The following MAML3 variants were observed in gnomAD, a reference collection of about 807,000 sequenced individuals.
MAML3 encodes mastermind like transcriptional coactivator 3, also known as mastermind-like protein 3.
A neutral mutation model predicts 101.9 loss-of-function variants in MAML3; 27 were observed. The observed-to-expected ratio is 0.27, with a 90% CI of 0.20 to 0.37. The LOEUF is 0.37. MAML3 is among the 10% of genes least tolerant of loss of function. The pLI is 1.00. For synonymous variants in MAML3, 501 were observed against 555.9 expected (o/e 0.90, Z 1.39); for missense variants, 1,316 against 1,444.9 (o/e 0.91, Z 1.45).
intron 1 of MAML3, among the ~76,000 whole-genome samples, chr4:139,967,435 C>T (rs898194881): frequency 2.7e-5 from 4 of 146,166 alleles, no homozygotes; most frequent in African/African-American, 7.5e-5. Context: ...GAAAAAATAA[C>T]GTGGAAAAAA....
intron 1 of MAML3, among the ~76,000 whole-genome samples, chr4:140,147,078 A>C (rs1468071169): frequency 2.9e-5 from 4 of 139,232 alleles, no homozygotes; most frequent in African/African-American, 1.1e-4. Context: ...GCTTGCAGTG[A>C]GCCGAGATTG....
intron 1 of MAML3, among the ~76,000 whole-genome samples, chr4:139,964,211 G>A (rs1734081036): frequency 6.6e-6 from 1 of 152,080 alleles, no homozygotes; most frequent in Non-Finnish European, 1.5e-5. Flanking sequence ...ATGATAGACT[G>A]GATAAAGAAC....
intron 1 of MAML3, among the ~76,000 whole-genome samples, chr4:139,958,431 A>G (rs1733949432): frequency 6.6e-6 from 1 of 152,218 alleles, no homozygotes; most frequent in Admixed American, 6.5e-5. Context: ...AAGAATTCAT[A>G]GTCTAGCAGG....
intron 1 of MAML3, among the ~76,000 whole-genome samples, chr4:140,039,633 T>C (rs1727047914): frequency 6.6e-6 from 1 of 152,180 alleles, no homozygotes; most frequent in Non-Finnish European, 1.5e-5. Context: ...TTGCCACTGC[T>C]TGTCTCATTC....
chr4:140,152,802 C>CCCACCACCA, intron 1 of MAML3, 58 bp downstream of exon 1: 1 of 1,563,568 alleles, frequency 6.4e-7, no homozygotes, highest in South Asian at 1.2e-5. Context: ...CCACGCGCCC[C>CCCACCACCA]CCACCACCAC....
intron 2 of MAML3, among the ~76,000 whole-genome samples, chr4:139,784,614 TA>T (rs1578599716): frequency 6.6e-6 from 1 of 152,228 alleles, no homozygotes. Flanking sequence ...TTCCATTCCT[TA>T]AAAAGAAACA....
intron 1 of MAML3, among the ~76,000 whole-genome samples, chr4:139,974,947 T>C (rs1334185130): frequency 6.6e-6 from 1 of 151,670 alleles, no homozygotes; most frequent in African/African-American, 2.4e-5. Flanking sequence ...AATTCTTGAT[T>C]AGGGACAGGG....
intron 1 of MAML3, among the ~76,000 whole-genome samples, chr4:139,994,374 T>C (rs1365824892): frequency 6.6e-6 from 1 of 152,200 alleles, no homozygotes; most frequent in East Asian, 1.9e-4. Flanking sequence ...TTCTTTATAA[T>C]AGAAATGCAG....
At chr4:139,942,395 C>G (rs939916658) in intron 1 of MAML3, among the ~76,000 whole-genome samples, 3 of 152,088 alleles carry the variant, frequency 2.0e-5, no homozygotes, top group Admixed American at 6.5e-5. Flanking sequence ...TATCCTATGC[C>G]CTGCTACAAA....
At chr4:139,951,564 G>A (rs963093416) in intron 1 of MAML3, among the ~76,000 whole-genome samples, 3 of 152,190 alleles carry the variant, frequency 2.0e-5, no homozygotes, top group African/African-American at 4.8e-5. Context: ...ATGCAGAGCT[G>A]TGGAGGAGGG....
intron 1 of MAML3, among the ~76,000 whole-genome samples, chr4:140,097,008 A>T (rs1031079300): frequency 1.3e-5 from 2 of 152,232 alleles, no homozygotes; most frequent in Non-Finnish European, 2.9e-5. Context: ...CCAGCATGGA[A>T]CTATTAAGTA....
At chr4:139,787,734 A>G (rs922055258) in intron 2 of MAML3, among the ~76,000 whole-genome samples, 3 of 152,186 alleles carry the variant, frequency 2.0e-5, no homozygotes, top group East Asian at 1.9e-4. Flanking sequence ...TTATTTTACT[A>G]TGAGTTCAGA....
At chr4:140,037,079 A>G (rs1478073900) in intron 1 of MAML3, among the ~76,000 whole-genome samples, 1 of 152,172 alleles carries the variant, frequency 6.6e-6, no homozygotes, top group Non-Finnish European at 1.5e-5. Flanking sequence ...ACTTTATATT[A>G]ATTCACTGGT....
rs530710847 is a variant in MAML3 at position 139,961,423 on chromosome 4, C to T, written c.469-70456G>A. Reference sequence around the variant, plus strand: ...ATACACACTCAACTACCAACAAATACGTTCCATTAGATTATCCTGGAGTCG... The same window carrying T: ...ATACACACTCAACTACCAACAAATATGTTCCATTAGATTATCCTGGAGTCG... On this transcript the variant is annotated intron_variant, in intron 1 of 4. Coordinates refer to ENST00000509479, the MANE Select transcript of MAML3 (RefSeq NM_018717.5). 8.5e-5 allele frequency among the ~76,000 whole-genome samples: 13 copies of T among 152,304 alleles called. No homozygotes were observed. In the South Asian group the frequency reaches 1.0e-3, roughly 12 times the overall value.
chr4:140,025,788 G>T (rs144356781), intron 1 of MAML3, among the ~76,000 whole-genome samples: 5 of 152,160 alleles, frequency 3.3e-5, no homozygotes. Context: ...TCTCAACCGC[G>T]ATTGAAAAAT....
chr4:139,719,922 A>C lies in MAML3; in HGVS notation c.2818T>G (p.Leu940Val). The C allele has an allele frequency of 6.2e-7, 1 of 1,614,068 alleles. No homozygotes were observed. The change falls in exon 5 of 5, where the codon TTG (leucine) becomes GTG (valine). Residue 940 changes from leucine to valine, a missense_variant. Leu to Val is a conservative substitution (Grantham distance 32, BLOSUM62 1). Coordinates refer to ENST00000509479, the MANE Select transcript of MAML3 (RefSeq NM_018717.5). ...PQMKGPVGQA[L>V]PRPQAPPRLQ... is the part of the protein sequence containing the mutation. ...CTTGGAGGGGCTTGGGGCCTAGGCAAGGCCTGGCCTACTGGCCCTTTCATC... is the reference window on the plus strand; with the variant it reads ...CTTGGAGGGGCTTGGGGCCTAGGCACGGCCTGGCCTACTGGCCCTTTCATC...
chr4:140,011,166 G>C (rs1200431886), intron 1 of MAML3, among the ~76,000 whole-genome samples: 5 of 73,700 alleles, frequency 6.8e-5, no homozygotes, highest in African/African-American at 2.9e-4. Context: ...TTATATATAT[G>C]ACATATATGT....
intron 1 of MAML3, among the ~76,000 whole-genome samples, chr4:139,966,131 T>C (rs1734126449): frequency 6.6e-6 from 1 of 152,128 alleles, no homozygotes; most frequent in Non-Finnish European, 1.5e-5. Flanking sequence ...CATGAAAAAA[T>C]ACTGCTTGAA....
In MAML3 at chr4:139,851,626, T is replaced by C. The variant is rs10002213; in HGVS notation, c.2079+37731A>G. The stretch of plus-strand genomic sequence containing the variant: ...ATGGGGCTAACATAAAGAATAAAAG[T>C]AAGATAGGCTGGTTGGGGGCATTGG... On this transcript the variant is annotated intron_variant, in intron 2 of 4. Coordinates refer to ENST00000509479, the MANE Select transcript of MAML3 (RefSeq NM_018717.5). Among the ~76,000 whole-genome samples the C allele has an allele frequency of 9.1e-3, 1,384 of 152,296 alleles. 22 individuals carry two copies. The highest frequency in any genetic ancestry group is 0.032 in the African/African-American group (1,310 of 41,566).
Sources: gnomAD v4.1 joint callset for allele counts (sites outside exome capture counted in the v4.1 genomes callset) on GRCh38, gnomAD v4.1.1 for gene constraint, MANE v1.5 for transcripts, NCBI Gene and HGNC (gene_info 2026-07-23, HGNC 2026-07-21) for gene names.